PLD3: variants seen among roughly 807,000 people sequenced by gnomAD.
PLD3 encodes 5'-3' exonuclease PLD3.
In PLD3, 31 loss-of-function variants were observed where a neutral mutation model predicts 58.4. The observed-to-expected ratio is 0.53, with a 90% confidence interval of 0.40 to 0.72. The LOEUF (loss-of-function observed/expected upper bound fraction) is 0.72. Among genes scored for constraint, PLD3 ranks in the 30% least tolerant of loss-of-function variants. PLD3 has a pLI of 0.00. For missense variants in PLD3, 595 were observed against 659.8 expected (o/e 0.90, Z 1.08); for synonymous variants, 264 against 273.4 (o/e 0.97, Z 0.34).
rs1468411272 is a variant in PLD3 at position 40,359,826 on chromosome 19, C to T, written c.-278-5892C>T. On this transcript the variant is annotated intron_variant, in intron 1 of 12. Coordinates refer to ENST00000409735, the MANE Select transcript of PLD3 (RefSeq NM_012268.4). ...GAGAGCCTCCTGCATGTCAGGGGCT[C>T]TTCTATGCACATTATATGTGTGCTA... 3.9e-5 allele frequency: 6 copies of T among 152,246 alleles called. No individual in the cohort carries two copies. The East Asian group carries it at 1.2e-3, about 29-fold the overall frequency. The allele number at this position is 152,246 out of a possible 1,614,324, so 9.4% of individuals were successfully genotyped here. A position where few individuals can be genotyped will look rare whatever the true frequency, so the allele number is the denominator to read the frequency against.
intron 1 of PLD3, among the ~76,000 whole-genome samples, chr19:40,364,320 C>T (rs2078860745): frequency 6.6e-6 from 1 of 151,786 alleles, no homozygotes; most frequent in South Asian, 2.1e-4. Flanking sequence ...TGCCACTGCA[C>T]TCCAGCCTGG....
chr19:40,353,567 CT>C (rs1463260994), intron 1 of PLD3, among the ~76,000 whole-genome samples: 1 of 151,638 alleles, frequency 6.6e-6, no homozygotes, highest in Non-Finnish European at 1.5e-5. Flanking sequence ...TATTATTTTT[CT>C]TTTCTTTTCT....
At position 40,378,396 on chromosome 19, in the gene PLD3, G is replaced by A; in HGVS notation, c.*223G>A. The A allele has an allele frequency of 1.5e-6, 1 of 646,896 alleles. No homozygotes were observed. Among genetic ancestry groups the A allele is most frequent in the East Asian group, 2.8e-5 (1 of 36,162 alleles). 40.1% of individuals were successfully genotyped at this position (646,896 alleles called of 1,614,324 possible). ...GGGATCAGCCCCCAAAGAAATGGGG[G>A]TGCATGCTGGGCCTGGCCCCCTGGC... is the stretch of plus-strand genomic sequence containing the variant. On this transcript the variant is annotated 3_prime_UTR_variant, in exon 13 of 13. Coordinates refer to ENST00000409735, the MANE Select transcript of PLD3 (RefSeq NM_012268.4).
rs2078395506 is a variant in PLD3 at position 40,348,776 on chromosome 19, G to A, written c.-279+8G>A. On this transcript the variant is annotated splice_region_variant and intron_variant, in intron 1 of 12. Coordinates refer to ENST00000409735, the MANE Select transcript of PLD3 (RefSeq NM_012268.4). ...GGGAGACGTGGAGTGCAGGTACTGT[G>A]CGATCTGGGGGCGCGGCGCCTCGGC... The A allele has an allele frequency of 2.8e-6, 1 of 355,414 alleles. No homozygotes were observed. The highest frequency in any genetic ancestry group is 2.1e-5 in the African/African-American group (1 of 46,972). 22.0% of individuals were successfully genotyped at this position (355,414 alleles called of 1,614,324 possible). A position where few individuals can be genotyped will look rare whatever the true frequency, so the allele number is the denominator to read the frequency against.
At chr19:40,366,729 G>T (rs776692477) in intron 4 of PLD3, 44 bp from the exon 5 acceptor site, 1 of 1,613,946 alleles carries the variant, frequency 6.2e-7, no homozygotes, top group Non-Finnish European at 8.5e-7. Context: ...AGACAGGCTG[G>T]GCTGCCCCCC....
intron 11 of PLD3, among the ~76,000 whole-genome samples, chr19:40,377,336 C>T (rs1197896870): frequency 8.2e-6 from 1 of 121,444 alleles, no homozygotes; most frequent in Admixed American, 9.0e-5. Flanking sequence ...GGAGGAGGTA[C>T]AGGCAGAGGG....
intron 10 of PLD3, 30 bp from the exon 11 acceptor site, chr19:40,376,579 C>G (rs3745200): frequency 0.19 from 297,831 of 1,595,138 alleles, 28,774 homozygotes; most frequent in East Asian, 0.27. Flanking sequence ...CCTCTGCATC[C>G]TGCCCCACCT....
At chr19:40,353,247 T>C (rs886950995) in intron 1 of PLD3, among the ~76,000 whole-genome samples, 1 of 152,136 alleles carries the variant, frequency 6.6e-6, no homozygotes, top group Non-Finnish European at 1.5e-5. Context: ...CTGGCCAATA[T>C]GGTGAAACAC....
At position 40,369,995 on chromosome 19, in the gene PLD3, C is replaced by T. The variant is rs866850284; in HGVS notation, c.517C>T (p.Pro173Ser). The T allele has an allele frequency of 3.2e-6, 5 of 1,560,410 alleles. No homozygotes were observed. The highest frequency in any genetic ancestry group is 4.8e-5 in the East Asian group (2 of 41,666). ...IAVSKPSGPQ[P>S]QADLQALLQS... ...TGTGAGCAAGCCCAGCGGGCCCCAGCCACAGGCGGACCTGCAGGCTCTGCT... is the reference window on the plus strand; with the variant it reads ...TGTGAGCAAGCCCAGCGGGCCCCAGTCACAGGCGGACCTGCAGGCTCTGCT... Residue 173 changes from proline to serine, a missense_variant, in exon 7 of 13, where the codon CCA becomes TCA. Physicochemically the swap from Pro to Ser is moderately conservative, Grantham distance 74. Transcript: ENST00000409735.
intron 8 of PLD3, 183 bp downstream of exon 8, chr19:40,370,420 C>CCTG: frequency 1.7e-6 from 1 of 601,420 alleles, no homozygotes; most frequent in Non-Finnish European, 2.8e-6. Flanking sequence ...CACCTATAAT[C>CCTG]TCAACACTTT....
At chr19:40,369,849 C>T (rs1327414984) in intron 6 of PLD3, 59 bp from the exon 7 acceptor site, 1 of 1,483,206 alleles carries the variant, frequency 6.7e-7, no homozygotes, top group Admixed American at 2.4e-5. Context: ...CCGGGCATTA[C>T]CTTGTGGGGT....
intron 5 of PLD3, chr19:40,367,417 C>A: frequency 2.9e-6 from 1 of 345,214 alleles, no homozygotes; most frequent in African/African-American, 2.1e-5. Context: ...TCCATCTCTA[C>A]TAAAAGTAAA....
At chr19:40,366,353 C>G in intron 2 of PLD3, 66 bp from the exon 3 acceptor site, 1 of 813,122 alleles carries the variant, frequency 1.2e-6, no homozygotes. Flanking sequence ...ACTAATCACT[C>G]TTCTGTGATG....
intron 1 of PLD3, among the ~76,000 whole-genome samples, chr19:40,350,421 C>CA (rs1312773024): frequency 6.6e-6 from 1 of 152,002 alleles, no homozygotes; most frequent in Non-Finnish European, 1.5e-5. Context: ...CACTGCTAGA[C>CA]ACTGGGGATA....
intron 8 of PLD3, chr19:40,371,007 G>A (rs1200989482): frequency 1.3e-5 from 2 of 153,318 alleles, no homozygotes; most frequent in Non-Finnish European, 2.9e-5. Flanking sequence ...GGAGGGAACA[G>A]AGGGCTGTGG....
Position 40,374,639 on chromosome 19 carries a change from A to G in PLD3, c.1019+19A>G, listed in dbSNP as rs555467805. On this transcript the variant is annotated intron_variant, in intron 10 of 12. Transcript: ENST00000409735. Reference sequence around the variant, plus strand: ...CTCACAGGTACTGCTGGGTGTGGAGATAGGGAGCCGCTGCAGTTGGCCAGG... The same window carrying G: ...CTCACAGGTACTGCTGGGTGTGGAGGTAGGGAGCCGCTGCAGTTGGCCAGG... The G allele has an allele frequency of 1.2e-6, 2 of 1,613,632 alleles. No homozygotes were observed. The highest frequency in any genetic ancestry group is 1.7e-6 in the Non-Finnish European group (2 of 1,179,776).
At chr19:40,373,624 AG>A (rs1419645653) in intron 9 of PLD3, among the ~76,000 whole-genome samples, 1 of 150,272 alleles carries the variant, frequency 6.7e-6, no homozygotes, top group East Asian at 2.0e-4. Flanking sequence ...AACTGGGAAG[AG>A]GGCCTGGTGA....
chr19:40,371,961 G>A, intron 9 of PLD3, 88 bp downstream of exon 9: 1 of 1,103,654 alleles, frequency 9.1e-7, no homozygotes, highest in South Asian at 1.3e-5. Context: ...TGATGACAGG[G>A]AGGGCGTATC....
chr19:40,361,319 C>T (rs1481166327), intron 1 of PLD3, among the ~76,000 whole-genome samples: 20 of 152,224 alleles, frequency 1.3e-4, no homozygotes, highest in South Asian at 6.2e-4. Context: ...CCATGTTGGT[C>T]AGGCTGGTCT....
Sources: allele counts gnomAD v4.1 joint callset (sites outside exome capture counted in the v4.1 genomes callset), GRCh38; gene constraint gnomAD v4.1.1; transcripts MANE v1.5; gene names NCBI Gene and HGNC (gene_info 2026-07-23, HGNC 2026-07-21).